ALPK1: variants seen among roughly 807,000 people sequenced by gnomAD.
ALPK1 encodes the protein alpha-protein kinase 1.
ALPK1 carries 110 observed loss-of-function variants against 120.6 expected under a neutral mutation model. The ratio of observed to expected loss-of-function variants is 0.91; its 90% CI spans 0.78 to 1.07. The LOEUF (loss-of-function observed/expected upper bound fraction) is 1.07. Ranked by LOEUF, ALPK1 falls within the 50% of genes least tolerant of loss-of-function variation. ALPK1 has a pLI of 0.00. For synonymous variants in ALPK1, 582 were observed against 560.3 expected, an observed-to-expected ratio of 1.04 and a Z score of -0.55; for missense variants, 1,498 against 1,483.9, an observed-to-expected ratio of 1.01 and a Z score of -0.16.
intron 4 of ALPK1, among the ~76,000 whole-genome samples, chr4:112,405,778 C>T (rs1306739319): frequency 3.9e-5 from 6 of 152,042 alleles, no homozygotes; most frequent in Non-Finnish European, 8.8e-5. Flanking sequence ...GGTTTCACTA[C>T]GTTGGCCAGG....
intron 2 of ALPK1, chr4:112,342,925 C>T (rs1413745343): frequency 6.6e-6 from 1 of 152,240 alleles, no homozygotes; most frequent in African/African-American, 2.4e-5. Context: ...ATACATGGGA[C>T]CTGGAATACC....
In ALPK1 at chr4:112,431,852, A is replaced by T; in HGVS notation, c.2305A>T (p.Ile769Phe). Residue 769 changes from isoleucine (I) to phenylalanine (F), a missense_variant, in exon 11 of 16, where the codon ATT becomes TTT. Transcript: ENST00000650871. The stretch of plus-strand genomic sequence containing the variant: ...GCAGGGGAAAGAGCAGGGAGAAGAA[A>T]TTAGTGAAAGAGGCGCAGGCCCTAC... ...DRQGKEQGEE[I>F]SERGAGPTFK... The T allele has an allele frequency of 6.2e-7, 1 of 1,614,082 alleles. No homozygotes were observed. Among genetic ancestry groups the T allele is most frequent in the Non-Finnish European group, 8.5e-7 (1 of 1,180,022 alleles).
intron 12 of ALPK1, 146 bp from the exon 13 acceptor site, chr4:112,438,338 T>G: frequency 1.4e-6 from 1 of 703,608 alleles, no homozygotes; most frequent in Admixed American, 3.0e-5. Context: ...AATCTTGAGA[T>G]AAGTCAAAAT....
chr4:112,300,378 A>G, intron 1 of ALPK1, among the ~76,000 whole-genome samples: 1 of 151,918 alleles, frequency 6.6e-6, no homozygotes, highest in Non-Finnish European at 1.5e-5. Flanking sequence ...AAATTATTAT[A>G]TAATATACTT....
chr4:112,422,603 G>C (rs544689874), intron 5 of ALPK1, among the ~76,000 whole-genome samples: 2 of 152,350 alleles, frequency 1.3e-5, no homozygotes, highest in South Asian at 4.1e-4. Flanking sequence ...TTAAGTGCAT[G>C]ATTTTTCCAT....
At chr4:112,359,118 G>A (rs1730789441) in intron 2 of ALPK1, 1 of 710,902 alleles carries the variant, frequency 1.4e-6, no homozygotes, top group Admixed American at 1.8e-5. Context: ...CCTGTCCAAG[G>A]CTGTGGCCCA....
chr4:112,367,017 A>G (rs1578505574), intron 2 of ALPK1, among the ~76,000 whole-genome samples: 1 of 152,216 alleles, frequency 6.6e-6, no homozygotes, highest in Non-Finnish European at 1.5e-5. Flanking sequence ...AAGGCATAAG[A>G]ATGCTACAGT....
At chr4:112,308,242 C>T (rs1728209820) in intron 1 of ALPK1, among the ~76,000 whole-genome samples, 1 of 152,010 alleles carries the variant, frequency 6.6e-6, no homozygotes, top group East Asian at 1.9e-4. Context: ...TTGCTCTTCT[C>T]AAGGAGTATC....
chr4:112,301,848 G>C (rs1024782685), intron 1 of ALPK1, among the ~76,000 whole-genome samples: 2 of 152,104 alleles, frequency 1.3e-5, no homozygotes, highest in Non-Finnish European at 2.9e-5. Flanking sequence ...TACGTCCTGG[G>C]CTAGGCTCAC....
chr4:112,365,131 C>T (rs553940663), intron 2 of ALPK1, among the ~76,000 whole-genome samples: 15 of 152,140 alleles, frequency 9.9e-5, no homozygotes, highest in Non-Finnish European at 1.9e-4. Context: ...AAAGCATTCC[C>T]CGAGAGCTGG....
In ALPK1 at chr4:112,382,534, C is replaced by G. The variant is rs770990158; in HGVS notation, c.258C>G (p.Ala86=). Residue 86 remains alanine, a synonymous_variant, in exon 4 of 16, where the codon GCC becomes GCG. Transcript: ENST00000650871. ...DKTNLKDVIG[A]GLQQLLASLR... is the part of the protein sequence containing the mutation. ...CAAACCTGAAGGATGTGATTGGCGCCGGGTTGCAGCAGTTACTGGTAGGAA... is the reference window on the plus strand; with the variant it reads ...CAAACCTGAAGGATGTGATTGGCGCGGGGTTGCAGCAGTTACTGGTAGGAA... 28 of 1,614,094 alleles carry G rather than the reference C, an allele frequency of 1.7e-5. 1 individual carries two copies. The Middle Eastern group carries it at 8.2e-4, about 48-fold the overall frequency.
chr4:112,388,991 C>T (rs1032636784), intron 4 of ALPK1, among the ~76,000 whole-genome samples: 2 of 151,240 alleles, frequency 1.3e-5, no homozygotes, highest in African/African-American at 4.9e-5. Flanking sequence ...CTCCCCATCT[C>T]TTTATGGACA....
At chr4:112,356,208 T>C (rs1206273855) in intron 2 of ALPK1, 4 of 1,601,264 alleles carry the variant, frequency 2.5e-6, no homozygotes, top group Non-Finnish European at 3.4e-6. Context: ...CAGGAGTACA[T>C]GACCAAGGTC....
At chr4:112,385,265 C>T (rs1732103323) in intron 4 of ALPK1, among the ~76,000 whole-genome samples, 1 of 152,188 alleles carries the variant, frequency 6.6e-6, no homozygotes, top group African/African-American at 2.4e-5. Flanking sequence ...AGAAGCTGCT[C>T]ATAGTTGGAG....
chr4:112,371,255 C>T (rs112838994), intron 2 of ALPK1, among the ~76,000 whole-genome samples: 7 of 152,284 alleles, frequency 4.6e-5, no homozygotes, highest in African/African-American at 1.7e-4. Context: ...CCCTAACGTA[C>T]GCACTACAGC....
intron 2 of ALPK1, among the ~76,000 whole-genome samples, chr4:112,369,007 CT>C (rs1326473103): frequency 1.9e-5 from 2 of 107,732 alleles, no homozygotes; most frequent in Non-Finnish European, 3.8e-5. Flanking sequence ...TTGCAGGTAA[CT>C]TTTTAGGTTT....
At chr4:112,417,348 A>G (rs750183440) in intron 5 of ALPK1, among the ~76,000 whole-genome samples, 3 of 152,254 alleles carry the variant, frequency 2.0e-5, no homozygotes, top group Non-Finnish European at 4.4e-5. Flanking sequence ...AGGAAATTAT[A>G]TGGCAATATC....
In ALPK1 at chr4:112,435,063, G is replaced by A. The variant is rs528075775; in HGVS notation, c.3035-85G>A. 650 of 1,353,156 alleles carry A rather than the reference G, an allele frequency of 4.8e-4. 1 individual carries two copies. The highest frequency in any genetic ancestry group is 9.8e-4 in the Middle Eastern group (5 of 5,120). The allele number at this position is 1,353,156 out of a possible 1,614,324, so 83.8% of individuals were successfully genotyped here. ...AAGTGAAGATTTCAGGTGAGCTGGC[G>A]TAGGACCTGTGTCACATCAGCTTTA... On this transcript the variant is annotated intron_variant, in intron 11 of 15. Coordinates refer to ENST00000650871, the MANE Select transcript of ALPK1 (RefSeq NM_025144.4).
At chr4:112,402,277 TCC>T (rs1732952153) in intron 4 of ALPK1, among the ~76,000 whole-genome samples, 2 of 152,056 alleles carry the variant, frequency 1.3e-5, no homozygotes, top group Non-Finnish European at 2.9e-5. Context: ...ACCCAGCCCC[TCC>T]TTGAGAACAG....
Sources: gnomAD v4.1 joint callset for allele counts (sites outside exome capture counted in the v4.1 genomes callset) on GRCh38, gnomAD v4.1.1 for gene constraint, MANE v1.5 for transcripts, NCBI Gene and HGNC (gene_info 2026-07-23, HGNC 2026-07-21) for gene names.